PARP8: variants seen among roughly 807,000 people sequenced by gnomAD.
PARP8 encodes the protein protein mono-ADP-ribosyltransferase PARP8.
A neutral mutation model predicts 124.1 loss-of-function variants in PARP8; 51 were observed. The ratio of observed to expected loss-of-function variants is 0.41; its 90% CI spans 0.33 to 0.52. The LOEUF is 0.52. Ranked by LOEUF, PARP8 falls within the 20% of genes least tolerant of loss-of-function variation. PARP8 has a pLI of 0.21. For synonymous variants in PARP8, 391 were observed against 361.5 expected (o/e 1.08, Z -0.93); for missense variants, 860 against 1,018.9 (o/e 0.84, Z 2.12).
intron 3 of PARP8, among the ~76,000 whole-genome samples, chr5:50,751,772 G>A (rs1759293454): frequency 6.6e-6 from 1 of 152,082 alleles, no homozygotes; most frequent in Non-Finnish European, 1.5e-5. Context: ...CTGTAATTCA[G>A]TTCTGATTCC....
intron 25 of PARP8, among the ~76,000 whole-genome samples, chr5:50,839,233 C>A (rs1747908158): frequency 6.6e-6 from 1 of 151,998 alleles, no homozygotes. Flanking sequence ...TTTTTACACT[C>A]CTGGGAATAT....
At chr5:50,762,659 C>G (rs1200728604) in intron 6 of PARP8, among the ~76,000 whole-genome samples, 2 of 152,158 alleles carry the variant, frequency 1.3e-5, no homozygotes, top group African/African-American at 4.8e-5. Context: ...ATTTGTCAAT[C>G]AAGCATGTGC....
chr5:50,704,770 A>G (rs1335343279), intron 2 of PARP8, among the ~76,000 whole-genome samples: 2 of 152,204 alleles, frequency 1.3e-5, no homozygotes, highest in African/African-American at 2.4e-5. Flanking sequence ...TTACCTTTTT[A>G]ATGTGACGAT....
At chr5:50,768,839 A>G (rs1761311487) in intron 7 of PARP8, among the ~76,000 whole-genome samples, 1 of 152,180 alleles carries the variant, frequency 6.6e-6, no homozygotes, top group African/African-American at 2.4e-5. Flanking sequence ...AGTGGGAAAT[A>G]TGAAATTACT....
chr5:50,761,791 T>C, intron 5 of PARP8, 30 bp from the exon 6 acceptor site: 1 of 1,382,156 alleles, frequency 7.2e-7, no homozygotes, highest in Non-Finnish European at 1.0e-6. Context: ...ATTTGACCAT[T>C]AAATTGTTTT....
chr5:50,766,873 TGAAAG>T (rs1761105352), intron 7 of PARP8, among the ~76,000 whole-genome samples: 1 of 152,068 alleles, frequency 6.6e-6, no homozygotes, highest in Non-Finnish European at 1.5e-5. Flanking sequence ...AAATGGTAAA[TGAAAG>T]GAAAGAAAAA....
intron 2 of PARP8, among the ~76,000 whole-genome samples, chr5:50,683,711 T>C (rs1197654849): frequency 6.6e-6 from 1 of 152,168 alleles, no homozygotes; most frequent in Non-Finnish European, 1.5e-5. Context: ...TTTTTCTATA[T>C]TGTAATCAGT....
chr5:50,782,015 A>G (rs1191832005), intron 9 of PARP8, among the ~76,000 whole-genome samples: 1 of 152,234 alleles, frequency 6.6e-6, no homozygotes, highest in East Asian at 1.9e-4. Context: ...TGACCTAAAG[A>G]TGGTGGGTCT....
intron 2 of PARP8, among the ~76,000 whole-genome samples, chr5:50,740,768 G>A (rs1365355247): frequency 2.6e-5 from 4 of 150,990 alleles, no homozygotes; most frequent in East Asian, 3.9e-4. Flanking sequence ...AACCGTGATT[G>A]TGCCACTGCT....
intron 9 of PARP8, among the ~76,000 whole-genome samples, chr5:50,779,541 T>A (rs1580315876): frequency 1.3e-5 from 2 of 152,208 alleles, no homozygotes; most frequent in Admixed American, 6.5e-5. Context: ...TGGTTTGGAC[T>A]TCTTGTACCA....
intron 22 of PARP8, among the ~76,000 whole-genome samples, chr5:50,831,940 A>G (rs1303440287): frequency 6.6e-6 from 1 of 152,178 alleles, no homozygotes; most frequent in African/African-American, 2.4e-5. Context: ...GGGTAAGAGA[A>G]CAGGACAGCT....
intron 2 of PARP8, among the ~76,000 whole-genome samples, chr5:50,737,559 A>G (rs1757596797): frequency 6.6e-6 from 1 of 152,212 alleles, no homozygotes; most frequent in Non-Finnish European, 1.5e-5. Flanking sequence ...AATATGTTAG[A>G]AAATAGAATA....
intron 16 of PARP8, among the ~76,000 whole-genome samples, 167 bp downstream of exon 16, chr5:50,821,505 A>G (rs1383538069): frequency 1.3e-5 from 2 of 152,206 alleles, no homozygotes; most frequent in Non-Finnish European, 2.9e-5. Context: ...TCCGACTTAC[A>G]TAACCTCATT....
intron 9 of PARP8, among the ~76,000 whole-genome samples, chr5:50,786,836 A>T (rs553483401): frequency 8.5e-5 from 13 of 152,070 alleles, no homozygotes; most frequent in Non-Finnish European, 1.8e-4. Flanking sequence ...ATTCAGCCTC[A>T]TGCCTTTATA....
chr5:50,742,671 T>C (rs1758168703), intron 2 of PARP8, among the ~76,000 whole-genome samples: 1 of 152,186 alleles, frequency 6.6e-6, no homozygotes, highest in Admixed American at 6.5e-5. Context: ...TTATGAAGAA[T>C]GGGTTTCTCA....
chr5:50,703,081 A>G (rs1348524428), intron 2 of PARP8, among the ~76,000 whole-genome samples: 1 of 152,100 alleles, frequency 6.6e-6, no homozygotes. Context: ...CGGCAGCATC[A>G]CTTGAGCCCA....
chr5:50,670,173 A>G (rs1293230314), intron 2 of PARP8, among the ~76,000 whole-genome samples: 1 of 152,220 alleles, frequency 6.6e-6, no homozygotes, highest in Non-Finnish European at 1.5e-5. Context: ...TCTTAAAATA[A>G]TCTTGCTGTG....
chr5:50,727,793 T>C (rs1756576183), intron 2 of PARP8, among the ~76,000 whole-genome samples: 1 of 152,204 alleles, frequency 6.6e-6, no homozygotes, highest in Non-Finnish European at 1.5e-5. Context: ...TGCAGGAAAC[T>C]TTCCTGGTAC....
chr5:50,833,151 G>A (rs1489542920), intron 23 of PARP8, among the ~76,000 whole-genome samples: 1 of 152,034 alleles, frequency 6.6e-6, no homozygotes, highest in Non-Finnish European at 1.5e-5. Context: ...CTACTGAGGG[G>A]TATAAATAAA....
Sources: allele counts gnomAD v4.1 joint callset (sites outside exome capture counted in the v4.1 genomes callset), GRCh38; gene constraint gnomAD v4.1.1; transcripts MANE v1.5; gene names NCBI Gene and HGNC (gene_info 2026-07-23, HGNC 2026-07-21).